ARB2A: variants seen among roughly 807,000 people sequenced by gnomAD.
ARB2A encodes the protein ARB2 cotranscriptional regulator A, also known as cotranscriptional regulator ARB2A.
At chr5:93,717,554 T>C in the ARB2A span, among the ~76,000 whole-genome samples, 1 of 151,996 alleles carries the variant, frequency 6.6e-6, no homozygotes, top group Non-Finnish European at 1.5e-5. Flanking sequence ...GAGGAATTTA[T>C]TTACACTTGT....
the ARB2A span, among the ~76,000 whole-genome samples, chr5:94,075,414 G>A: frequency 2.0e-5 from 3 of 151,804 alleles, no homozygotes; most frequent in African/African-American, 4.8e-5. Context: ...ATCGAATTCT[G>A]CTCTACTTTG....
chr5:93,631,024 T>C, the ARB2A span, among the ~76,000 whole-genome samples: 1 of 151,992 alleles, frequency 6.6e-6, no homozygotes, highest in South Asian at 2.1e-4. Context: ...TCCCAAGCAG[T>C]TGGGACTACA....
chr5:93,975,875 C>G, the ARB2A span, among the ~76,000 whole-genome samples: 1 of 151,964 alleles, frequency 6.6e-6, no homozygotes, highest in Non-Finnish European at 1.5e-5. Context: ...AGTACCAATC[C>G]CATTGAAACT....
chr5:93,654,395 ATCTT>A, the ARB2A span, among the ~76,000 whole-genome samples: 1 of 152,156 alleles, frequency 6.6e-6, no homozygotes, highest in Non-Finnish European at 1.5e-5. Context: ...TTTTTCTATA[ATCTT>A]TCTTTCCTCA....
At chr5:93,807,605 C>G in the ARB2A span, among the ~76,000 whole-genome samples, 1 of 151,732 alleles carries the variant, frequency 6.6e-6, no homozygotes, top group South Asian at 2.1e-4. Flanking sequence ...CAAGTGGTAA[C>G]CTATTGCAAA....
chr5:93,881,095 A>C, the ARB2A span, among the ~76,000 whole-genome samples: 2 of 151,676 alleles, frequency 1.3e-5, no homozygotes. Context: ...TCTTATGGAC[A>C]ACATAACGGC....
the ARB2A span, among the ~76,000 whole-genome samples, chr5:93,790,690 T>A: frequency 6.6e-6 from 1 of 152,126 alleles, no homozygotes. Context: ...GGCTCAGCAG[T>A]GCCACGCTGG....
the ARB2A span, among the ~76,000 whole-genome samples, chr5:93,829,872 T>G: frequency 6.6e-6 from 1 of 152,180 alleles, no homozygotes; most frequent in African/African-American, 2.4e-5. Flanking sequence ...AATGAAGTTG[T>G]GACTAAGAAA....
chr5:94,007,296 A>C, the ARB2A span, among the ~76,000 whole-genome samples: 2 of 152,220 alleles, frequency 1.3e-5, no homozygotes, highest in East Asian at 3.9e-4. Context: ...TTAAAAGTAT[A>C]AGAGGGAAAG....
chr5:93,857,886 C>A, the ARB2A span, among the ~76,000 whole-genome samples: 3 of 152,000 alleles, frequency 2.0e-5, no homozygotes, highest in Non-Finnish European at 2.9e-5. Context: ...GTCGCTCATG[C>A]TGGGAGCTGT....
the ARB2A span, among the ~76,000 whole-genome samples, chr5:94,046,785 T>G: frequency 6.6e-6 from 1 of 152,194 alleles, no homozygotes; most frequent in African/African-American, 2.4e-5. Context: ...ACTAACCTGC[T>G]TTTTGGTTAC....
At chr5:93,867,706 T>C in the ARB2A span, among the ~76,000 whole-genome samples, 1 of 152,102 alleles carries the variant, frequency 6.6e-6, no homozygotes, top group Non-Finnish European at 1.5e-5. Context: ...AATTCAGGTA[T>C]AAGAATTATA....
chr5:93,785,571 T>C, the ARB2A span, among the ~76,000 whole-genome samples: 2 of 152,088 alleles, frequency 1.3e-5, no homozygotes, highest in Non-Finnish European at 2.9e-5. Context: ...CCTGTTGGCG[T>C]TCTGAATTTA....
chr5:94,064,759 G>A, the ARB2A span, among the ~76,000 whole-genome samples: 10 of 152,180 alleles, frequency 6.6e-5, no homozygotes, highest in Admixed American at 3.9e-4. Context: ...CATAAGTGAA[G>A]AAGAAATGAA....
At chr5:94,005,179 A>G in the ARB2A span, among the ~76,000 whole-genome samples, 1 of 151,704 alleles carries the variant, frequency 6.6e-6, no homozygotes, top group African/African-American at 2.4e-5. Context: ...GAAGACTCAA[A>G]TTTTTTGCCA....
At chr5:93,798,586 C>T in the ARB2A span, among the ~76,000 whole-genome samples, 1 of 152,046 alleles carries the variant, frequency 6.6e-6, no homozygotes, top group African/African-American at 2.4e-5. Context: ...GGCATGGCTC[C>T]ACCTGTACCA....
At chr5:93,768,557 A>T in the ARB2A span, among the ~76,000 whole-genome samples, 1 of 151,316 alleles carries the variant, frequency 6.6e-6, no homozygotes, top group African/African-American at 2.4e-5. Context: ...ACATTTATAC[A>T]CTATATATAC....
the ARB2A span, among the ~76,000 whole-genome samples, chr5:93,724,670 T>A: frequency 2.0e-5 from 3 of 152,056 alleles, no homozygotes; most frequent in Admixed American, 1.3e-4. Context: ...GGTGATACAG[T>A]AATCCTCCCT....
At chr5:94,079,768 T>C in the ARB2A span, among the ~76,000 whole-genome samples, 10 of 152,282 alleles carry the variant, frequency 6.6e-5, no homozygotes, top group East Asian at 1.9e-3. Context: ...AAAAATTACT[T>C]ATCATATCTC....
Sources: gnomAD v4.1 joint callset for allele counts (sites outside exome capture counted in the v4.1 genomes callset) on GRCh38, gnomAD v4.1.1 for gene constraint, MANE v1.5 for transcripts, NCBI Gene and HGNC (gene_info 2026-07-23, HGNC 2026-07-21) for gene names.